The following MCF2L2 variants were observed in gnomAD, a reference collection of about 807,000 sequenced individuals.
MCF2L2 encodes the protein MCF.2 cell line derived transforming sequence-like 2.
In MCF2L2, 102 loss-of-function variants were observed where a neutral mutation model predicts 150.2. The observed-to-expected ratio is 0.68, with a 90% CI of 0.58 to 0.80. MCF2L2 has a LOEUF of 0.80. Among genes scored for constraint, MCF2L2 ranks in the 30% least tolerant of loss-of-function variants. The pLI, the probability that MCF2L2 is intolerant of heterozygous loss-of-function variation, is 0.00. For missense variants in MCF2L2, 1,256 were observed against 1,372.8 expected (o/e 0.91, Z 1.34); for synonymous variants, 465 against 491.3 (o/e 0.95, Z 0.71).
chr3:183,391,325 T>A (rs977851172), intron 1 of MCF2L2, among the ~76,000 whole-genome samples: 1 of 151,166 alleles, frequency 6.6e-6, no homozygotes, highest in African/African-American at 2.4e-5. Flanking sequence ...AGCCCCAAGA[T>A]CCCCTTCAAT....
At chr3:183,390,155 A>T (rs1393799045) in intron 1 of MCF2L2, among the ~76,000 whole-genome samples, 5 of 152,202 alleles carry the variant, frequency 3.3e-5, no homozygotes, top group African/African-American at 9.6e-5. Context: ...TTAAACACAA[A>T]CAACATAAGT....
In MCF2L2 at chr3:183,370,206, G is replaced by A. The variant is rs149889490; in HGVS notation, c.275+9091C>T. Among the ~76,000 whole-genome samples the A allele has an allele frequency of 2.9e-3, 445 of 152,314 alleles. 4 individuals carry two copies. Among genetic ancestry groups the A allele is most frequent in the African/African-American group, 0.01 (427 of 41,580 alleles). On this transcript the variant is annotated intron_variant, in intron 3 of 29. Coordinates refer to ENST00000328913, the MANE Select transcript of MCF2L2 (RefSeq NM_015078.4). ...TTGAGAACTTGTCTTCCCATTTGTC[G>A]AGCTTTCCTGTGATGGATCCCCACC...
chr3:183,393,941 AG>A (rs1377621257), intron 1 of MCF2L2, among the ~76,000 whole-genome samples: 1 of 152,246 alleles, frequency 6.6e-6, no homozygotes, highest in African/African-American at 2.4e-5. Flanking sequence ...TGAGACCCTT[AG>A]CCTCCCACTC....
At chr3:183,207,529 C>G in intron 23 of MCF2L2, 79 bp downstream of exon 23, 1 of 1,113,022 alleles carries the variant, frequency 9.0e-7, no homozygotes, top group South Asian at 1.4e-5. Context: ...ACTGCAGCTT[C>G]CTCATCTGTA....
chr3:183,190,855 G>T (rs77322200), intron 27 of MCF2L2, among the ~76,000 whole-genome samples: 1 of 152,154 alleles, frequency 6.6e-6, no homozygotes. Context: ...TGTATATGTG[G>T]TTTATTTTAA....
At chr3:183,278,787 T>C (rs1727310284) in intron 14 of MCF2L2, among the ~76,000 whole-genome samples, 1 of 152,164 alleles carries the variant, frequency 6.6e-6, no homozygotes. Flanking sequence ...GATGGAAAAA[T>C]AACAATGATT....
At chr3:183,397,496 T>C (rs1714529156) in intron 1 of MCF2L2, among the ~76,000 whole-genome samples, 1 of 152,208 alleles carries the variant, frequency 6.6e-6, no homozygotes, top group Non-Finnish European at 1.5e-5. Context: ...GAGGCCCCAC[T>C]TTCTAATACC....
At chr3:183,425,164 T>G (rs1716095961) in intron 1 of MCF2L2, among the ~76,000 whole-genome samples, 2 of 151,490 alleles carry the variant, frequency 1.3e-5, no homozygotes, top group South Asian at 4.2e-4. Flanking sequence ...GCAGTGGGGA[T>G]GGACATGAGG....
At chr3:183,302,364 T>C (rs1728894650) in intron 10 of MCF2L2, among the ~76,000 whole-genome samples, 1 of 152,144 alleles carries the variant, frequency 6.6e-6, no homozygotes, top group Admixed American at 6.5e-5. Flanking sequence ...AGCTGAGACC[T>C]GAAGTCAGGG....
chr3:183,302,689 CCT>C (rs1457383439), intron 10 of MCF2L2, among the ~76,000 whole-genome samples: 1 of 152,072 alleles, frequency 6.6e-6, no homozygotes, highest in Non-Finnish European at 1.5e-5. Context: ...CAAACTAGCT[CCT>C]GACTCGACCC....
At chr3:183,294,698 C>T (rs1250163716) in intron 13 of MCF2L2, among the ~76,000 whole-genome samples, 14 of 144,220 alleles carry the variant, frequency 9.7e-5, no homozygotes, top group African/African-American at 2.3e-4. Flanking sequence ...GCGCCATCTC[C>T]GCTAACTGCA....
At chr3:183,354,505 AC>A (rs1711646710) in intron 3 of MCF2L2, among the ~76,000 whole-genome samples, 1 of 149,710 alleles carries the variant, frequency 6.7e-6, no homozygotes, top group African/African-American at 2.5e-5. Context: ...ACTTATCTTA[AC>A]CCCCAGCATT....
chr3:183,250,774 G>A (rs1394402341), intron 15 of MCF2L2, among the ~76,000 whole-genome samples: 1 of 152,124 alleles, frequency 6.6e-6, no homozygotes, highest in Non-Finnish European at 1.5e-5. Context: ...TGGTGATGCT[G>A]TATCAACAGA....
At chr3:183,209,744 C>T (rs1722623977) in intron 22 of MCF2L2, among the ~76,000 whole-genome samples, 1 of 152,162 alleles carries the variant, frequency 6.6e-6, no homozygotes, top group Non-Finnish European at 1.5e-5. Context: ...CCACCTCAGC[C>T]TCCCAAAGTG....
At chr3:183,273,345 T>A in intron 15 of MCF2L2, 1 of 236,018 alleles carries the variant, frequency 4.2e-6, no homozygotes. Context: ...TTAGTGAGTT[T>A]AAAAAAAATC....
intron 23 of MCF2L2, among the ~76,000 whole-genome samples, 173 bp from the exon 24 acceptor site, chr3:183,206,387 TAC>T (rs1722474099): frequency 6.6e-6 from 1 of 152,220 alleles, no homozygotes; most frequent in Non-Finnish European, 1.5e-5. Context: ...CACAATCTGG[TAC>T]AGTGTCTTCT....
rs1560034972 is a variant in MCF2L2, at chr3:183,351,223, TA to T, written c.276-9594del. On this transcript the variant is annotated intron_variant, in intron 3 of 29. Coordinates refer to ENST00000328913, the MANE Select transcript of MCF2L2 (RefSeq NM_015078.4). Reference sequence around the variant, plus strand: ...ATATATATATATATATATATATATATATATATATATATATTTATTTATTTAT... The same window carrying T: ...ATATATATATATATATATATATATATTATATATATATATTTATTTATTTAT... 1.4e-3 allele frequency among the ~76,000 whole-genome samples: 129 copies of T among 94,084 alleles called. 1 individual carries two copies. The highest frequency in any genetic ancestry group is 2.8e-3 in the African/African-American group (50 of 18,062). The allele number at this position is 94,084 out of a possible 152,430, so 61.7% of individuals were successfully genotyped here. A position where few individuals can be genotyped will look rare whatever the true frequency, so the allele number is the denominator to read the frequency against.
At chr3:183,362,186 C>A (rs1712250575) in intron 3 of MCF2L2, among the ~76,000 whole-genome samples, 1 of 151,118 alleles carries the variant, frequency 6.6e-6, no homozygotes, top group East Asian at 1.9e-4. Flanking sequence ...CTCACTGCAA[C>A]CTCCACCTCC....
intron 1 of MCF2L2, among the ~76,000 whole-genome samples, chr3:183,425,672 CT>C (rs1560070495): frequency 1.3e-5 from 2 of 152,156 alleles, no homozygotes; most frequent in Admixed American, 1.3e-4. Flanking sequence ...CTCACTCCCC[CT>C]GAAACCTTAA....
Sources: allele counts gnomAD v4.1 joint callset (sites outside exome capture counted in the v4.1 genomes callset), GRCh38; gene constraint gnomAD v4.1.1; transcripts MANE v1.5; gene names NCBI Gene and HGNC (gene_info 2026-07-23, HGNC 2026-07-21).